The following RASSF4 variants were observed in gnomAD, a reference collection of about 807,000 sequenced individuals.
RASSF4 encodes the protein ras association domain-containing protein 4.
Under a neutral mutation model 41.1 loss-of-function variants are expected in RASSF4, and 38 were observed. The ratio of observed to expected loss-of-function variants is 0.92; its 90% CI spans 0.71 to 1.21. The LOEUF (loss-of-function observed/expected upper bound fraction) is 1.21, where lower values mean the gene tolerates loss of function less well. Among genes scored for constraint, RASSF4 ranks in the 50% most tolerant of loss-of-function variants. RASSF4 has a pLI of 0.00. For synonymous variants in RASSF4, 179 were observed against 163.4 expected (o/e 1.10, Z -0.73); for missense variants, 414 against 419.4 (o/e 0.99, Z 0.11).
intron 3 of RASSF4, chr10:44,977,548 GGAATGCCCA>G: frequency 1.2e-6 from 2 of 1,613,496 alleles, no homozygotes; most frequent in Non-Finnish European, 1.7e-6. Context: ...GTCTTGCCAG[GGAATGCCCA>G]GGCATCCTGG....
intron 1 of RASSF4, among the ~76,000 whole-genome samples, chr10:44,966,369 A>G (rs1423603673): frequency 6.6e-6 from 1 of 152,218 alleles, no homozygotes; most frequent in Non-Finnish European, 1.5e-5. Context: ...GTGAATCAGA[A>G]GTCACAAACT....
intron 4 of RASSF4, 184 bp downstream of exon 4, chr10:44,982,847 C>A (rs1476790906): frequency 2.0e-5 from 14 of 716,982 alleles, no homozygotes; most frequent in Non-Finnish European, 3.3e-5. Context: ...CCTCTCCCTC[C>A]TTCCTGGAGA....
chr10:44,969,834 G>A (rs890684582), intron 1 of RASSF4, among the ~76,000 whole-genome samples: 8 of 152,260 alleles, frequency 5.3e-5, no homozygotes, highest in Non-Finnish European at 1.2e-4. Flanking sequence ...GAAGCCAGTA[G>A]TCAGGCTGTC....
chr10:44,973,277 C>T (rs1041983313), intron 3 of RASSF4, among the ~76,000 whole-genome samples: 1 of 152,210 alleles, frequency 6.6e-6, no homozygotes, highest in Non-Finnish European at 1.5e-5. Context: ...TGGTGGGTGA[C>T]TTAAGCAGCA....
chr10:44,982,518 C>T lies in RASSF4; in HGVS notation c.139-3C>T. The T allele has an allele frequency of 1.2e-6, 2 of 1,610,626 alleles. No homozygotes were observed. Among genetic ancestry groups the T allele is most frequent in the Non-Finnish European group, 1.7e-6 (2 of 1,178,370 alleles). On this transcript the variant is annotated splice_polypyrimidine_tract_variant and splice_region_variant and intron_variant, in intron 3 of 10. Transcript: ENST00000340258. The stretch of plus-strand genomic sequence containing the variant: ...GGAAGGGCTGATGTGTGGACCCCCA[C>T]AGGAAGAAGGGACTCTGATCATCGA...
rs750816867 is a variant in RASSF4, at chr10:44,971,652, G to A, written c.63-121G>A. 18 of 816,932 alleles carry A rather than the reference G, an allele frequency of 2.2e-5. 1 individual carries two copies. The highest frequency in any genetic ancestry group is 6.7e-5 in the African/African-American group (4 of 59,782). The allele number at this position is 816,932 out of a possible 1,614,324, so 50.6% of individuals were successfully genotyped here. On this transcript the variant is annotated intron_variant, in intron 2 of 10. Coordinates refer to ENST00000340258, the MANE Select transcript of RASSF4 (RefSeq NM_032023.4). ...TGGTCTCCTCTGGTTATGCCTGGCC[G>A]GCGAGAAGGGTGCTGTCACACTCCT...
chr10:44,971,651 C>G (rs2274885), intron 2 of RASSF4, 122 bp from the exon 3 acceptor site: 2 of 813,508 alleles, frequency 2.5e-6, no homozygotes, highest in Non-Finnish European at 4.4e-6. Context: ...TATGCCTGGC[C>G]GGCGAGAAGG....
intron 1 of RASSF4, 112 bp downstream of exon 1, chr10:44,959,978 G>C (rs1004432063): frequency 1.3e-5 from 2 of 152,238 alleles, no homozygotes; most frequent in Non-Finnish European, 2.9e-5. Flanking sequence ...CCCTTCGGCC[G>C]CAGCGCGCAG....
At chr10:44,983,594 G>T in intron 4 of RASSF4, 2 of 195,932 alleles carry the variant, frequency 1.0e-5, no homozygotes, top group Non-Finnish European at 2.1e-5. Context: ...CTGGCCTGGG[G>T]CTCATCCTGC....
At chr10:44,990,862 C>T (rs879156313) in intron 8 of RASSF4, 86 bp from the exon 9 acceptor site, 37 of 1,436,096 alleles carry the variant, frequency 2.6e-5, no homozygotes, top group South Asian at 7.6e-5. Flanking sequence ...CGCCCCTAGA[C>T]GCACATTTTC....
rs761150928 is a variant in RASSF4 at position 44,984,115 on chromosome 10, T to C, written c.373+2T>C. On this transcript the variant is annotated splice_donor_variant, in intron 5 of 10. Transcript: ENST00000340258. LOFTEE classifies it high-confidence loss of function. ...CTGAGAGTTCCACAGACAGCTCGGG[T>C]AAGCGGAGCCCGCAAGCTGCCCAGA... 6.3e-7 allele frequency: 1 copy of C among 1,595,936 alleles called. No individual in the cohort carries two copies. Among genetic ancestry groups the C allele is most frequent in the Admixed American group, 1.7e-5 (1 of 57,548 alleles).
At chr10:44,982,839 T>C (rs1413844349) in intron 4 of RASSF4, 176 bp downstream of exon 4, 1 of 729,312 alleles carries the variant, frequency 1.4e-6, no homozygotes, top group East Asian at 2.7e-5. Context: ...CAGGGTGGCC[T>C]CTCCCTCCTT....
rs1842208528 is a variant in RASSF4 at position 44,993,846 on chromosome 10, C to T, written c.*517C>T. The stretch of plus-strand genomic sequence containing the variant: ...TGCCACAGTGTCCCCGGCTTCTAAG[C>T]CTCCAATATCACCCTGTGAGCCTCG... On this transcript the variant is annotated 3_prime_UTR_variant, in exon 11 of 11. Coordinates refer to ENST00000340258, the MANE Select transcript of RASSF4 (RefSeq NM_032023.4). 6.4e-6 allele frequency: 1 copy of T among 156,748 alleles called. No homozygotes were observed. The highest frequency in any genetic ancestry group is 6.1e-5 in the Admixed American group (1 of 16,318). The allele number at this position is 156,748 out of a possible 1,614,324, so 9.7% of individuals were successfully genotyped here.
intron 6 of RASSF4, among the ~76,000 whole-genome samples, chr10:44,987,626 C>CTTTT (rs34115822): frequency 7.8e-6 from 1 of 128,234 alleles, no homozygotes; most frequent in African/African-American, 2.9e-5. Context: ...AAAATGTGCA[C>CTTTT]TTTTTTTTTT....
intron 1 of RASSF4, among the ~76,000 whole-genome samples, chr10:44,968,998 GTA>G (rs768899009): frequency 7.3e-5 from 11 of 150,976 alleles, no homozygotes; most frequent in East Asian, 1.9e-4. Flanking sequence ...GAGTGTTTGT[GTA>G]TGTGTGTGTG....
At chr10:44,987,446 T>G (rs1841960595) in intron 6 of RASSF4, among the ~76,000 whole-genome samples, 1 of 152,054 alleles carries the variant, frequency 6.6e-6, no homozygotes, top group African/African-American at 2.4e-5. Context: ...AATCCTGGCT[T>G]TCTGTATAAC....
At chr10:44,981,258 A>T (rs1013626911) in intron 3 of RASSF4, 5 of 152,182 alleles carry the variant, frequency 3.3e-5, no homozygotes, top group African/African-American at 1.2e-4. Context: ...CCCTTATATA[A>T]GGAATCTAAA....
rs1842255618 is a variant in RASSF4, at chr10:44,995,848, T to G, written c.*2519T>G. ...GGTATTTCTCATATGCCCCATTGGC[T>G]ACCTAGTGTCTCAGGTAATAAACGT... On this transcript the variant is annotated 3_prime_UTR_variant, in exon 11 of 11. Transcript: ENST00000340258. The G allele has an allele frequency of 6.6e-6, 1 of 152,296 alleles. No individual in the cohort carries two copies. Among genetic ancestry groups the G allele is most frequent in the African/African-American group, 2.4e-5 (1 of 41,562 alleles). The allele number at this position is 152,296 out of a possible 1,614,324, so 9.4% of individuals were successfully genotyped here.
At chr10:44,972,176 C>T (rs945083218) in intron 3 of RASSF4, among the ~76,000 whole-genome samples, 4 of 152,112 alleles carry the variant, frequency 2.6e-5, no homozygotes, top group African/African-American at 4.8e-5. Flanking sequence ...CAGGTCCGTC[C>T]TCAGCCCATC....
Sources: gnomAD v4.1 joint callset for allele counts (sites outside exome capture counted in the v4.1 genomes callset) on GRCh38, gnomAD v4.1.1 for gene constraint, MANE v1.5 for transcripts, NCBI Gene and HGNC (gene_info 2026-07-23, HGNC 2026-07-21) for gene names.